The following SYNE1 variants were observed in gnomAD, a reference collection of about 807,000 sequenced individuals.
The protein encoded by SYNE1 is nesprin-1.
A neutral mutation model predicts 1,111.0 loss-of-function variants in SYNE1; 616 were observed. That is an observed-to-expected ratio of 0.55 (90% confidence interval 0.52 to 0.59). The LOEUF (loss-of-function observed/expected upper bound fraction) is 0.59, where lower values mean the gene tolerates loss of function less well. Among genes scored for constraint, SYNE1 ranks in the 20% least tolerant of loss-of-function variants. SYNE1 has a pLI of 0.00. For synonymous variants in SYNE1, 3,855 were observed against 3,825.8 expected (o/e 1.01, Z -0.28); for missense variants, 10,006 against 10,417.0 (o/e 0.96, Z 1.72).
chr6:152,458,251 A>G (rs1239563924), intron 22 of SYNE1, among the ~76,000 whole-genome samples: 1 of 152,194 alleles, frequency 6.6e-6, no homozygotes, highest in Non-Finnish European at 1.5e-5. Flanking sequence ...GGTACCCTTA[A>G]TGTTTGAAGT....
Position 152,325,296 on chromosome 6 carries a change from C to T in SYNE1, c.15445G>A (p.Val5149Met). 2 of 1,614,138 alleles carry T rather than the reference C, an allele frequency of 1.2e-6. No homozygotes were observed. Among genetic ancestry groups the T allele is most frequent in the Non-Finnish European group, 1.7e-6 (2 of 1,180,014 alleles). The change falls in exon 81 of 146, where the codon GTG becomes ATG. Residue 5149 changes from valine to methionine, a missense_variant. By Grantham distance (21) the Val-to-Met change is conservative (BLOSUM62 1). Coordinates refer to ENST00000367255, the MANE Select transcript of SYNE1 (RefSeq NM_182961.4). ...TCATGGAAAGAGTTAACCACTGACA[C>T]TAAAGCCTAGGGTTGGGGGTGGAGG... Reference protein sequence around the residue: ...EEKLSEHKALVSVVNSFHEKI... With the variant: ...EEKLSEHKALMSVVNSFHEKI...
intron 32 of SYNE1, among the ~76,000 whole-genome samples, chr6:152,437,938 C>T (rs1384002970): frequency 1.3e-5 from 2 of 152,074 alleles, no homozygotes; most frequent in East Asian, 1.9e-4. Context: ...ATCACGAGTT[C>T]GGCCAACAAA....
chr6:152,254,569 G>C (rs7763242), intron 104 of SYNE1, among the ~76,000 whole-genome samples: 11 of 151,980 alleles, frequency 7.2e-5, no homozygotes, highest in African/African-American at 2.7e-4. Context: ...ATATTCTTTC[G>C]CAATGTGTTT....
At chr6:152,604,401 C>T (rs996311776) in intron 3 of SYNE1, among the ~76,000 whole-genome samples, 2 of 152,078 alleles carry the variant, frequency 1.3e-5, no homozygotes. Context: ...CTCCTGGGCT[C>T]AGGTGATCCT....
At chr6:152,385,903 A>T (rs2097520297) in intron 54 of SYNE1, 65 bp from the exon 55 acceptor site, 2 of 1,513,032 alleles carry the variant, frequency 1.3e-6, no homozygotes, top group Non-Finnish European at 1.8e-6. Context: ...CAGGTAAGAC[A>T]ACAGGCCTGA....
Position 152,390,274 on chromosome 6 carries a change from C to T in SYNE1, c.8177+6G>A, listed in dbSNP as rs376257090. 1 of 1,613,860 alleles carries T rather than the reference C, an allele frequency of 6.2e-7. No homozygotes were observed. The highest frequency in any genetic ancestry group is 8.5e-7 in the Non-Finnish European group (1 of 1,179,972). On this transcript the variant is annotated splice_donor_region_variant and intron_variant, in intron 53 of 145. Coordinates refer to ENST00000367255, the MANE Select transcript of SYNE1 (RefSeq NM_182961.4). ...CTTAAACAAACTCTAAAAATAGGTT[C>T]TGTACCTTTGAGCGTGGACGGAGGA...
intron 110 of SYNE1, 80 bp downstream of exon 110, chr6:152,236,027 C>T: frequency 1.4e-6 from 2 of 1,473,842 alleles, no homozygotes; most frequent in Admixed American, 1.7e-5. Flanking sequence ...TAGGTTTGAG[C>T]CATCATCCCC....
chr6:152,599,586 A>G (rs1253335874), intron 3 of SYNE1, among the ~76,000 whole-genome samples: 2 of 152,182 alleles, frequency 1.3e-5, no homozygotes, highest in African/African-American at 2.4e-5. Context: ...AAATTGTGAA[A>G]AGTTGAAAGA....
At chr6:152,633,162 C>T (rs530479421) in intron 2 of SYNE1, among the ~76,000 whole-genome samples, 19 of 152,108 alleles carry the variant, frequency 1.2e-4, no homozygotes, top group East Asian at 9.6e-4. Flanking sequence ...TGCGGGAGCA[C>T]GAAGGAGAGG....
At chr6:152,171,136 C>T (rs2065105882) in intron 130 of SYNE1, among the ~76,000 whole-genome samples, 1 of 152,186 alleles carries the variant, frequency 6.6e-6, no homozygotes, top group Admixed American at 6.5e-5. Flanking sequence ...TCTTTATCAG[C>T]AGCATGAAAA....
At chr6:152,309,306 G>A (rs1344709486) in intron 90 of SYNE1, among the ~76,000 whole-genome samples, 1 of 152,140 alleles carries the variant, frequency 6.6e-6, no homozygotes, top group Non-Finnish European at 1.5e-5. Context: ...ACAATTTTTG[G>A]ATAAAGCAAG....
chr6:152,285,691 T>G (rs534000243), intron 95 of SYNE1, among the ~76,000 whole-genome samples: 1 of 152,324 alleles, frequency 6.6e-6, no homozygotes, highest in South Asian at 2.1e-4. Flanking sequence ...GCTCTATTCA[T>G]CCTTTGCTCT....
chr6:152,442,371 T>A, intron 30 of SYNE1, 126 bp from the exon 31 acceptor site: 3 of 1,105,932 alleles, frequency 2.7e-6, no homozygotes, highest in South Asian at 2.6e-5. Flanking sequence ...AAGCTAAGAT[T>A]AACAGTTGAA....
At chr6:152,436,177 G>T in intron 32 of SYNE1, 76 bp from the exon 33 acceptor site, 1 of 1,493,282 alleles carries the variant, frequency 6.7e-7, no homozygotes, top group Non-Finnish European at 9.2e-7. Flanking sequence ...TGCACATATT[G>T]CATACAGAAC....
chr6:152,564,698 G>A lies in SYNE1; in HGVS notation c.68-24677C>T, dbSNP rs576040274. Among the ~76,000 whole-genome samples the A allele has an allele frequency of 1.2e-4, 18 of 151,132 alleles. No individual in the cohort carries two copies. The East Asian group carries it at 3.3e-3, about 28-fold the overall frequency. ...ATGTTAACTATTCTCATGATTTCTAGGGAAAAAAAAATCAAACTCACTCTT... is the reference window on the plus strand; with the variant it reads ...ATGTTAACTATTCTCATGATTTCTAAGGAAAAAAAAATCAAACTCACTCTT... On this transcript the variant is annotated intron_variant, in intron 3 of 145. Transcript: ENST00000367255.
At chr6:152,544,897 G>T (rs774356095) in intron 3 of SYNE1, among the ~76,000 whole-genome samples, 56 of 152,276 alleles carry the variant, frequency 3.7e-4, no homozygotes, top group Non-Finnish European at 6.9e-4. Flanking sequence ...ATAATATATT[G>T]TCTAGAAACA....
In SYNE1 at chr6:152,539,955, T is replaced by C; in HGVS notation, c.129+5A>G. On this transcript the variant is annotated splice_donor_5th_base_variant and intron_variant, in intron 4 of 145. Transcript: ENST00000367255. The stretch of plus-strand genomic sequence containing the variant: ...AAACCTGTAATGCTGGGTAGTTTCC[T>C]TTACCTTGGCCAGATGAGAGTTGAT... 1.2e-6 allele frequency: 2 copies of C among 1,613,936 alleles called. No homozygotes were observed. Among genetic ancestry groups the C allele is most frequent in the Non-Finnish European group, 1.7e-6 (2 of 1,179,874 alleles).
At chr6:152,407,762 C>CTTT (rs34322784) in intron 44 of SYNE1, among the ~76,000 whole-genome samples, 27 of 123,974 alleles carry the variant, frequency 2.2e-4, no homozygotes, top group African/African-American at 7.1e-4. Context: ...AAAGAATGTT[C>CTTT]TTTTTTTTTT....
intron 62 of SYNE1, among the ~76,000 whole-genome samples, chr6:152,366,383 A>G (rs759760039): frequency 8.6e-5 from 13 of 151,188 alleles, no homozygotes; most frequent in South Asian, 4.2e-4. Context: ...GGTTTATAGC[A>G]GGGCGCAGTG....
Sources: allele counts gnomAD v4.1 joint callset (sites outside exome capture counted in the v4.1 genomes callset), GRCh38; gene constraint gnomAD v4.1.1; transcripts MANE v1.5; gene names NCBI Gene and HGNC (gene_info 2026-07-23, HGNC 2026-07-21).